ABCB11: variants seen among roughly 807,000 people sequenced by gnomAD.
ABCB11 encodes the protein ATP binding cassette subfamily B member 11, also known as bile salt export pump.
Under a neutral mutation model 148.0 loss-of-function variants are expected in ABCB11, and 95 were observed. That is an observed-to-expected ratio of 0.64 (90% confidence interval 0.54 to 0.76). The LOEUF is 0.76. ABCB11 is among the 30% of genes least tolerant of loss of function. The pLI is 0.00. For synonymous variants in ABCB11, 591 were observed against 555.4 expected (o/e 1.06, Z -0.90); for missense variants, 1,523 against 1,617.8 (o/e 0.94, Z 1.01).
intron 17 of ABCB11, among the ~76,000 whole-genome samples, chr2:168,965,197 T>C (rs1481541362): frequency 6.6e-6 from 1 of 151,778 alleles, no homozygotes. Context: ...ACTGAGAGAA[T>C]GTATAAACAT....
chr2:168,931,167 A>G (rs1025829058), intron 24 of ABCB11, among the ~76,000 whole-genome samples: 1 of 152,180 alleles, frequency 6.6e-6, no homozygotes, highest in African/African-American at 2.4e-5. Context: ...TAGCTGGAAG[A>G]TATGACATCA....
Position 168,941,949 on chromosome 2 carries a change from G to A in ABCB11, c.2610+2656C>T, listed in dbSNP as rs1479039353. On this transcript the variant is annotated intron_variant, in intron 21 of 27. Coordinates refer to ENST00000650372, the MANE Select transcript of ABCB11 (RefSeq NM_003742.4). ...GGAAGTGAAAAAATTAGTGTGACAT[G>A]CTTTATTGCAATATTCTCTTTATTG... Among the ~76,000 whole-genome samples the A allele has an allele frequency of 5.3e-5, 8 of 152,058 alleles. No individual in the cohort carries two copies. The East Asian group carries it at 1.6e-3, about 30-fold the overall frequency.
At position 168,932,629 on chromosome 2, in the gene ABCB11, A is replaced by G. The variant is rs1455320429; in HGVS notation, c.3057-96T>C. 13 of 1,434,160 alleles carry G rather than the reference A, an allele frequency of 9.1e-6. No homozygotes were observed. The South Asian group carries it at 1.6e-4, about 17-fold the overall frequency. The allele number at this position is 1,434,160 out of a possible 1,614,324, so 88.8% of individuals were successfully genotyped here. On this transcript the variant is annotated intron_variant, in intron 23 of 27. Coordinates refer to ENST00000650372, the MANE Select transcript of ABCB11 (RefSeq NM_003742.4). ...TTGGGGATCTAGCCCTGGTTCTGCC[A>G]GGAAAGGACCAAATATCCTTGAGCA...
At chr2:168,937,889 A>T (rs1166451218) in intron 21 of ABCB11, among the ~76,000 whole-genome samples, 1 of 152,240 alleles carries the variant, frequency 6.6e-6, no homozygotes, top group Non-Finnish European at 1.5e-5. Context: ...TTATATCTAT[A>T]CTAATCAGAG....
intron 10 of ABCB11, 52 bp from the exon 11 acceptor site, chr2:168,980,031 G>A: frequency 3.8e-6 from 4 of 1,066,192 alleles, no homozygotes; most frequent in Admixed American, 1.8e-5. Context: ...TGTGTAAATA[G>A]TAATTACTAT....
chr2:168,933,169 T>G (rs1691662053), intron 23 of ABCB11, among the ~76,000 whole-genome samples: 2 of 152,206 alleles, frequency 1.3e-5, no homozygotes, highest in African/African-American at 4.8e-5. Context: ...GAAAAAATTT[T>G]TTTAAAAGAA....
intron 23 of ABCB11, 74 bp from the exon 24 acceptor site, chr2:168,932,607 G>C: frequency 1.3e-6 from 2 of 1,551,710 alleles, no homozygotes; most frequent in East Asian, 2.3e-5. Context: ...CAGAAGTTTG[G>C]GGATCTAGCC....
intron 19 of ABCB11, among the ~76,000 whole-genome samples, chr2:168,953,505 G>T: frequency 6.7e-6 from 1 of 148,432 alleles, no homozygotes; most frequent in Non-Finnish European, 1.5e-5. Flanking sequence ...ATATAAGTGT[G>T]GCTACTTTTG....
chr2:168,963,973 A>G (rs1270033758), intron 18 of ABCB11, among the ~76,000 whole-genome samples: 1 of 151,848 alleles, frequency 6.6e-6, no homozygotes, highest in Non-Finnish European at 1.5e-5. Context: ...AACCCTCCGA[A>G]GTCCAGTTTT....
chr2:169,012,872 C>T (rs1573977630), intron 5 of ABCB11, among the ~76,000 whole-genome samples: 1 of 152,088 alleles, frequency 6.6e-6, no homozygotes, highest in East Asian at 1.9e-4. Flanking sequence ...AAGTGGATCA[C>T]CAGCCACAGC....
intron 14 of ABCB11, 59 bp downstream of exon 14, chr2:168,971,788 C>T: frequency 6.6e-7 from 1 of 1,514,298 alleles, no homozygotes; most frequent in Non-Finnish European, 9.1e-7. Flanking sequence ...TATAATTGTG[C>T]AACTTTTTTT....
At chr2:168,976,279 T>C (rs1693899461) in intron 12 of ABCB11, among the ~76,000 whole-genome samples, 1 of 152,130 alleles carries the variant, frequency 6.6e-6, no homozygotes, top group South Asian at 2.1e-4. Context: ...ATCTAGCACT[T>C]GCATGGAAAG....
intron 3 of ABCB11, 104 bp from the exon 4 acceptor site, chr2:169,014,458 T>C: frequency 8.9e-7 from 1 of 1,122,256 alleles, no homozygotes; most frequent in Admixed American, 2.1e-5. Context: ...AGAAAGAAAA[T>C]CCCCACTGGC....
At chr2:168,918,013 T>C (rs1034377075), downstream of ABCB11, among the ~76,000 whole-genome samples, 5 of 150,932 alleles carry the variant, frequency 3.3e-5, no homozygotes, top group Non-Finnish European at 1.5e-5. Flanking sequence ...AAATATACAA[T>C]TAGCATAAAT....
chr2:168,975,426 TATAG>T (rs1241200821), intron 12 of ABCB11, among the ~76,000 whole-genome samples: 9 of 24,490 alleles, frequency 3.7e-4, no homozygotes, highest in Non-Finnish European at 8.2e-4. Context: ...TTTTTATATT[TATAG>T]ATAAATATAT....
intron 26 of ABCB11, among the ~76,000 whole-genome samples, chr2:168,925,383 A>G (rs140477552): frequency 3.9e-3 from 588 of 152,334 alleles, no homozygotes; most frequent in Middle Eastern, 0.017. Context: ...GTTTTAGAGA[A>G]AATTAGGAAG....
chr2:168,975,547 A>C (rs376321103), intron 12 of ABCB11, among the ~76,000 whole-genome samples: 2 of 21,348 alleles, frequency 9.4e-5, no homozygotes, highest in African/African-American at 4.4e-4. Context: ...ATAAATATAT[A>C]AATACATAAA....
chr2:168,950,168 C>CAA (rs1274418609), intron 19 of ABCB11, among the ~76,000 whole-genome samples: 68 of 140,486 alleles, frequency 4.8e-4, no homozygotes, highest in Non-Finnish European at 7.3e-4. Context: ...CACACACACA[C>CAA]AAAATAGGAT....
chr2:168,986,533 A>G (rs1694333806), intron 9 of ABCB11, among the ~76,000 whole-genome samples: 1 of 152,120 alleles, frequency 6.6e-6, no homozygotes, highest in African/African-American at 2.4e-5. Flanking sequence ...TTGCATAGTG[A>G]GGTAAGCTTG....
Sources: gnomAD v4.1 joint callset for allele counts (sites outside exome capture counted in the v4.1 genomes callset) on GRCh38, gnomAD v4.1.1 for gene constraint, MANE v1.5 for transcripts, NCBI Gene and HGNC (gene_info 2026-07-23, HGNC 2026-07-21) for gene names.